DYNC1I1: variants seen among roughly 807,000 people sequenced by gnomAD.
DYNC1I1 encodes the protein dynein cytoplasmic 1 intermediate chain 1.
DYNC1I1 carries 43 observed loss-of-function variants against 86.6 expected under a neutral mutation model. The observed-to-expected ratio is 0.50, with a 90% CI of 0.39 to 0.64. The LOEUF is 0.64. DYNC1I1 is among the 30% of genes least tolerant of loss of function. The pLI is 0.00. For synonymous variants in DYNC1I1, 262 were observed against 283.7 expected, an observed-to-expected ratio of 0.92 and a Z score of 0.77; for missense variants, 604 against 788.8, an observed-to-expected ratio of 0.77 and a Z score of 2.81.
At chr7:96,037,520 TTATC>T (rs1367892062) in intron 13 of DYNC1I1, among the ~76,000 whole-genome samples, 2 of 152,146 alleles carry the variant, frequency 1.3e-5, no homozygotes, top group African/African-American at 4.8e-5. Flanking sequence ...AGTCACAGCT[TTATC>T]TATATGCGTA....
chr7:95,782,570 G>C (rs1385691193), intron 1 of DYNC1I1, among the ~76,000 whole-genome samples: 1 of 152,210 alleles, frequency 6.6e-6, no homozygotes, highest in African/African-American at 2.4e-5. Context: ...CAGCCCCATG[G>C]TAGCATCGAG....
At chr7:95,847,628 C>G (rs1432842969) in intron 5 of DYNC1I1, among the ~76,000 whole-genome samples, 1 of 152,174 alleles carries the variant, frequency 6.6e-6, no homozygotes, top group Non-Finnish European at 1.5e-5. Flanking sequence ...ATTCTTTAAC[C>G]TGATACTTAA....
intron 13 of DYNC1I1, among the ~76,000 whole-genome samples, chr7:96,037,095 A>T (rs761344345): frequency 6.6e-6 from 1 of 152,198 alleles, no homozygotes; most frequent in African/African-American, 2.4e-5. Flanking sequence ...TGGCTCAGCT[A>T]TGTGACTTTT....
chr7:95,940,304 T>C (rs1318321436), intron 6 of DYNC1I1, among the ~76,000 whole-genome samples: 3 of 151,976 alleles, frequency 2.0e-5, no homozygotes, highest in Non-Finnish European at 2.9e-5. Context: ...AGGAGTATCT[T>C]TGTGGTGTTC....
rs191770022 is a variant in DYNC1I1 at position 95,893,999 on chromosome 7, T to A, written c.490+24001T>A. ...CAGTGGATAACCCTTTCCCAAACAATGAGAATCTCTGATGAAGCCTCTGCT... is the reference window on the plus strand; with the variant it reads ...CAGTGGATAACCCTTTCCCAAACAAAGAGAATCTCTGATGAAGCCTCTGCT... On this transcript the variant is annotated intron_variant, in intron 6 of 16. Coordinates refer to ENST00000447467, the MANE Select transcript of DYNC1I1 (RefSeq NM_001135556.2). 2.7e-3 allele frequency among the ~76,000 whole-genome samples: 407 copies of A among 152,278 alleles called. 6 individuals carry two copies. Among genetic ancestry groups the A allele is most frequent in the South Asian group, 3.1e-3 (15 of 4,820 alleles).
At chr7:95,928,770 G>A (rs972088551) in intron 6 of DYNC1I1, among the ~76,000 whole-genome samples, 2 of 152,164 alleles carry the variant, frequency 1.3e-5, no homozygotes, top group African/African-American at 4.8e-5. Flanking sequence ...GCTTCACTAA[G>A]CCTCAGTTTT....
intron 6 of DYNC1I1, among the ~76,000 whole-genome samples, chr7:95,926,697 A>G (rs144351530): frequency 0.012 from 1,770 of 152,298 alleles, 16 homozygotes; most frequent in Non-Finnish European, 0.02. Flanking sequence ...AACTTAAAGT[A>G]AGGATAAGAC....
chr7:95,969,833 T>C (rs319308), intron 6 of DYNC1I1, among the ~76,000 whole-genome samples: 123,650 of 152,106 alleles, frequency 0.81, 50,625 homozygotes, highest in East Asian at 0.92. Flanking sequence ...TTAACAGGAG[T>C]GCTCTGTACG....
intron 10 of DYNC1I1, among the ~76,000 whole-genome samples, chr7:96,015,281 C>T (rs1051724896): frequency 1.3e-5 from 2 of 152,106 alleles, no homozygotes; most frequent in Admixed American, 6.5e-5. Context: ...TTTATTATCA[C>T]ATTTATTCTA....
intron 6 of DYNC1I1, among the ~76,000 whole-genome samples, chr7:95,884,270 G>T (rs1451417398): frequency 1.3e-5 from 2 of 152,192 alleles, no homozygotes; most frequent in Non-Finnish European, 2.9e-5. Flanking sequence ...AGGTAAACAT[G>T]CAGCACAAAT....
intron 14 of DYNC1I1, among the ~76,000 whole-genome samples, chr7:96,058,658 G>A (rs1269995243): frequency 6.6e-6 from 1 of 151,966 alleles, no homozygotes; most frequent in Non-Finnish European, 1.5e-5. Context: ...TTTTTGAGAC[G>A]GAGTCTCACT....
chr7:95,852,694 ATGGGGTTTCACCATTT>A (rs1177200134), intron 5 of DYNC1I1, among the ~76,000 whole-genome samples: 1 of 151,972 alleles, frequency 6.6e-6, no homozygotes, highest in Non-Finnish European at 1.5e-5. Flanking sequence ...ATTAGTAGAG[ATGGGGTTTCACCATTT>A]TGGCCAGGTG....
chr7:95,795,591 A>G (rs888340909), intron 1 of DYNC1I1, among the ~76,000 whole-genome samples: 1 of 152,236 alleles, frequency 6.6e-6, no homozygotes, highest in Non-Finnish European at 1.5e-5. Flanking sequence ...TTGCAGAAAC[A>G]TGGATGGAGC....
At chr7:95,868,353 A>T (rs1790070091) in intron 5 of DYNC1I1, among the ~76,000 whole-genome samples, 1 of 152,190 alleles carries the variant, frequency 6.6e-6, no homozygotes, top group Admixed American at 6.5e-5. Flanking sequence ...GTTTTCCTAC[A>T]GTGTTTGGGA....
At chr7:96,030,087 A>T (rs1278413397) in intron 11 of DYNC1I1, among the ~76,000 whole-genome samples, 1 of 151,956 alleles carries the variant, frequency 6.6e-6, no homozygotes, top group Non-Finnish European at 1.5e-5. Context: ...CTGTCTTTCA[A>T]CTTTCACTAT....
rs140484934 is a variant in DYNC1I1, at chr7:95,827,545, G to A, written c.315-512G>A. On this transcript the variant is annotated intron_variant, in intron 4 of 16. Coordinates refer to ENST00000447467, the MANE Select transcript of DYNC1I1 (RefSeq NM_001135556.2). ...ATATAAATAAGCATAAAATACTCAT[G>A]AGTCTTGAAATCTAATGCATTATAT... 9.2e-5 allele frequency among the ~76,000 whole-genome samples: 14 copies of A among 152,276 alleles called. No homozygotes were observed. In the East Asian group the frequency reaches 2.5e-3, roughly 27 times the overall value.
At chr7:95,861,170 TC>T (rs767198332) in intron 5 of DYNC1I1, among the ~76,000 whole-genome samples, 6 of 152,058 alleles carry the variant, frequency 3.9e-5, no homozygotes, top group Admixed American at 6.6e-5. Context: ...CTACCTCTAC[TC>T]CTCTCTTGCC....
chr7:95,979,799 T>C (rs1793406410), intron 7 of DYNC1I1, among the ~76,000 whole-genome samples: 1 of 152,194 alleles, frequency 6.6e-6, no homozygotes, highest in Admixed American at 6.5e-5. Flanking sequence ...GACACAAGGC[T>C]TACTCTTTCT....
chr7:96,028,292 C>T lies in DYNC1I1; in HGVS notation c.1087C>T (p.Arg363Trp), dbSNP rs1794730743. ...NRSHRRTPVQRTPLSAAAHTH... is the reference protein window; with the variant it reads ...NRSHRRTPVQWTPLSAAAHTH... Reference sequence around the variant, plus strand: ...CAGTCATCGAAGGACTCCAGTGCAGCGGACACCCTTATCAGCTGCTGCACA... The same window carrying T: ...CAGTCATCGAAGGACTCCAGTGCAGTGGACACCCTTATCAGCTGCTGCACA... Residue 363 changes from arginine (R) to tryptophan (W), a missense_variant, in exon 11 of 17, where the codon CGG becomes TGG. By Grantham distance (101) the Arg-to-Trp change is moderately radical (BLOSUM62 -3). Transcript: ENST00000447467. 8 of 1,613,360 alleles carry T rather than the reference C, an allele frequency of 5.0e-6. No individual in the cohort carries two copies. Among genetic ancestry groups the T allele is most frequent in the East Asian group, 2.2e-5 (1 of 44,874 alleles).
Sources: gnomAD v4.1 joint callset for allele counts (sites outside exome capture counted in the v4.1 genomes callset) on GRCh38, gnomAD v4.1.1 for gene constraint, MANE v1.5 for transcripts, NCBI Gene and HGNC (gene_info 2026-07-23, HGNC 2026-07-21) for gene names.